Variants in SYNDIG1 observed in about 807,000 individuals in gnomAD.
SYNDIG1 encodes the protein synapse differentiation inducing 1, also known as synapse differentiation-inducing gene protein 1.
SYNDIG1 carries 9 observed loss-of-function variants against 19.4 expected under a neutral mutation model. That is an observed-to-expected ratio of 0.46 (90% CI 0.28 to 0.81). The LOEUF is 0.81. Ranked by LOEUF, SYNDIG1 falls within the 30% of genes least tolerant of loss-of-function variation. SYNDIG1 has a pLI of 0.12. For synonymous variants in SYNDIG1, 141 were observed against 145.9 expected, an observed-to-expected ratio of 0.97 and a Z score of 0.24; for missense variants, 311 against 343.3, an observed-to-expected ratio of 0.91 and a Z score of 0.74.
intron 2 of SYNDIG1, among the ~76,000 whole-genome samples, chr20:24,571,014 G>A (rs183313738): frequency 2.6e-4 from 39 of 152,288 alleles, no homozygotes; most frequent in African/African-American, 8.9e-4. Flanking sequence ...AGTGGAAATG[G>A]TCAGCCTCAA....
intron 3 of SYNDIG1, among the ~76,000 whole-genome samples, chr20:24,596,302 A>T (rs1032551918): frequency 3.3e-5 from 5 of 151,818 alleles, no homozygotes; most frequent in Non-Finnish European, 5.9e-5. Flanking sequence ...TTTAAAAACA[A>T]CTCATTTTTA....
intron 2 of SYNDIG1, among the ~76,000 whole-genome samples, chr20:24,575,254 G>A (rs1199670282): frequency 6.6e-6 from 1 of 152,206 alleles, no homozygotes; most frequent in Non-Finnish European, 1.5e-5. Flanking sequence ...GGATGTGCTA[G>A]GAGCTAAGAC....
intron 1 of SYNDIG1, among the ~76,000 whole-genome samples, chr20:24,507,218 G>C (rs968893242): frequency 1.3e-5 from 2 of 152,172 alleles, no homozygotes; most frequent in African/African-American, 4.8e-5. Flanking sequence ...CCTGGGCTCT[G>C]ACCTCCCCCC....
In SYNDIG1 at chr20:24,658,364, G is replaced by A. The variant is rs1408662740; in HGVS notation, c.619-6982G>A. Among the ~76,000 whole-genome samples, 3 of 151,978 alleles carry A rather than the reference G, an allele frequency of 2.0e-5. No homozygotes were observed. The highest frequency in any genetic ancestry group is 6.5e-5 in the Admixed American group (1 of 15,276). On this transcript the variant is annotated intron_variant, in intron 3 of 3. Coordinates refer to ENST00000376862, the MANE Select transcript of SYNDIG1 (RefSeq NM_024893.3). The surrounding 1 kb of genome is among the most constrained non-coding windows in gnomAD (Gnocchi z 4.4). The stretch of plus-strand genomic sequence containing the variant: ...AGCTCGGTGGAGTGGACTCTGCCTC[G>A]GGGTCACTGAGAACTGGGTCCCTGA...
intron 2 of SYNDIG1, among the ~76,000 whole-genome samples, chr20:24,553,445 T>C (rs1029857828): frequency 6.6e-6 from 1 of 152,232 alleles, no homozygotes; most frequent in Non-Finnish European, 1.5e-5. Context: ...TGGTTTTAGG[T>C]CTAACATGTA....
chr20:24,559,009 T>C (rs942180143), intron 2 of SYNDIG1, among the ~76,000 whole-genome samples: 4 of 152,294 alleles, frequency 2.6e-5, no homozygotes, highest in African/African-American at 9.6e-5. Context: ...CAGAAATCAA[T>C]ATATCAAAAA....
At chr20:24,474,948 C>T (rs915521898) in intron 1 of SYNDIG1, among the ~76,000 whole-genome samples, 56 of 152,198 alleles carry the variant, frequency 3.7e-4, no homozygotes, top group African/African-American at 1.3e-3. Context: ...TATTCCATTG[C>T]CTCAACTTTA....
chr20:24,662,194 T>C (rs2147408149), intron 3 of SYNDIG1, among the ~76,000 whole-genome samples: 1 of 151,752 alleles, frequency 6.6e-6, no homozygotes, highest in South Asian at 2.1e-4. Context: ...GTTCTGGCTG[T>C]CCGTCCTCTG....
In SYNDIG1 at chr20:24,596,072, A is replaced by G. The variant is rs903107908; in HGVS notation, c.618+11079A>G. 2.1e-4 allele frequency among the ~76,000 whole-genome samples: 32 copies of G among 152,004 alleles called. 1 individual carries two copies. Among genetic ancestry groups the G allele is most frequent in the Non-Finnish European group, 2.9e-5 (2 of 68,000 alleles). Reference sequence around the variant, plus strand: ...TAAGTTGTTAACTTGGGATCTTTCTAACTTTTTGATGTGGGCATTTAGCAC... The same window carrying G: ...TAAGTTGTTAACTTGGGATCTTTCTGACTTTTTGATGTGGGCATTTAGCAC... On this transcript the variant is annotated intron_variant, in intron 3 of 3. Coordinates refer to ENST00000376862, the MANE Select transcript of SYNDIG1 (RefSeq NM_024893.3).
At chr20:24,606,994 T>G (rs1188626801) in intron 3 of SYNDIG1, among the ~76,000 whole-genome samples, 1 of 152,234 alleles carries the variant, frequency 6.6e-6, no homozygotes, top group African/African-American at 2.4e-5. Flanking sequence ...ATGTGTTATA[T>G]GAACGGACCT....
intron 2 of SYNDIG1, among the ~76,000 whole-genome samples, chr20:24,566,731 A>G (rs891248397): frequency 2.0e-5 from 3 of 152,138 alleles, no homozygotes; most frequent in Non-Finnish European, 4.4e-5. Flanking sequence ...AGCCACCCTG[A>G]GTGATGCCCC....
intron 2 of SYNDIG1, among the ~76,000 whole-genome samples, chr20:24,559,456 G>A (rs574273368): frequency 6.3e-4 from 96 of 152,110 alleles, no homozygotes; most frequent in African/African-American, 2.0e-3. Flanking sequence ...CAAATAAAAA[G>A]GAAAAAAGAT....
intron 1 of SYNDIG1, among the ~76,000 whole-genome samples, chr20:24,531,432 C>A (rs984882755): frequency 3.9e-5 from 6 of 152,100 alleles, no homozygotes; most frequent in African/African-American, 1.4e-4. Flanking sequence ...TAAAAAAAAT[C>A]TAGACTTATT....
At chr20:24,556,762 G>A (rs1472396902) in intron 2 of SYNDIG1, among the ~76,000 whole-genome samples, 2 of 152,070 alleles carry the variant, frequency 1.3e-5, no homozygotes, top group African/African-American at 4.8e-5. Flanking sequence ...TTCAACTTTG[G>A]TGAATCTGAC....
intron 3 of SYNDIG1, among the ~76,000 whole-genome samples, chr20:24,649,112 C>T (rs6049830): frequency 1.3e-5 from 2 of 152,210 alleles, no homozygotes; most frequent in South Asian, 4.2e-4. Flanking sequence ...GAAGCATGAC[C>T]TGAACCAGGG....
intron 1 of SYNDIG1, among the ~76,000 whole-genome samples, chr20:24,508,345 C>T (rs1256308859): frequency 6.7e-6 from 1 of 148,678 alleles, no homozygotes; most frequent in Non-Finnish European, 1.5e-5. Context: ...TGTCCTGCCT[C>T]AGCCTCCCAA....
At chr20:24,520,965 A>G (rs2056990095) in intron 1 of SYNDIG1, among the ~76,000 whole-genome samples, 2 of 152,106 alleles carry the variant, frequency 1.3e-5, no homozygotes, top group South Asian at 4.2e-4. Flanking sequence ...TGTCCCCATT[A>G]AGCAGTAACT....
chr20:24,565,749 C>A (rs943098156), intron 2 of SYNDIG1, among the ~76,000 whole-genome samples: 1 of 152,134 alleles, frequency 6.6e-6, no homozygotes, highest in African/African-American at 2.4e-5. Flanking sequence ...CAACTCCCAC[C>A]TTCTCCTTCC....
At chr20:24,629,128 G>A (rs920033135) in intron 3 of SYNDIG1, among the ~76,000 whole-genome samples, 1 of 152,372 alleles carries the variant, frequency 6.6e-6, no homozygotes, top group Admixed American at 6.5e-5. Flanking sequence ...GCTACAGATA[G>A]AACATGTGAG....
Sources: gnomAD v4.1 joint callset for allele counts (sites outside exome capture counted in the v4.1 genomes callset) on GRCh38, gnomAD v4.1.1 for gene constraint, Gnocchi (gnomAD v3.1) non-coding constraint, MANE v1.5 for transcripts, NCBI Gene and HGNC (gene_info 2026-07-23, HGNC 2026-07-21) for gene names.